Variants in CELF2 observed in about 807,000 individuals in gnomAD.
The protein encoded by CELF2 is CUG triplet repeat RNA-binding protein 2.
CELF2 carries 8 observed loss-of-function variants against 62.6 expected under a neutral mutation model. That is an observed-to-expected ratio of 0.13 (90% CI 0.07 to 0.23). The LOEUF (loss-of-function observed/expected upper bound fraction) is 0.23, where lower values mean the gene tolerates loss of function less well. Among genes scored for constraint, CELF2 ranks in the 10% least tolerant of loss-of-function variants. CELF2 has a pLI of 1.00. For synonymous variants in CELF2, 258 were observed against 250.0 expected (o/e 1.03, Z -0.30); for missense variants, 333 against 671.0 (o/e 0.50, Z 5.56).
chr10:10,783,511 C>G, the CELF2 span, among the ~76,000 whole-genome samples: 31 of 152,278 alleles, frequency 2.0e-4, no homozygotes, highest in African/African-American at 7.0e-4. Context: ...AGACTTCCAG[C>G]CTCCAGAAGT....
intron 2 of CELF2, among the ~76,000 whole-genome samples, chr10:10,962,404 TCAAA>T (rs769212767): frequency 1.1e-4 from 17 of 152,220 alleles, no homozygotes; most frequent in South Asian, 2.1e-4. Context: ...GCTTGAAGTA[TCAAA>T]CAAAGTATAC....
At chr10:11,215,513 A>G (rs1016956110) in intron 2 of CELF2, among the ~76,000 whole-genome samples, 1 of 152,114 alleles carries the variant, frequency 6.6e-6, no homozygotes, top group African/African-American at 2.4e-5. Context: ...TTCAGCCAGT[A>G]AATGGCTGCA....
rs2055053612 is a variant in CELF2, at chr10:11,005,375, T to G, written c.-13T>G. The stretch of plus-strand genomic sequence containing the variant: ...TCTGAACTGGCTTTTGTTGAGACTA[T>G]CAGTATAGAAGCATGCGCTGTCCCA... On this transcript the variant is annotated 5_prime_UTR_variant, in exon 1 of 13. Transcript: ENST00000416382. The surrounding 1 kb of genome is among the most constrained non-coding windows in gnomAD (Gnocchi z 4.3). The G allele has an allele frequency of 6.2e-7, 1 of 1,613,530 alleles. No homozygotes were observed.
Position 10,936,032 on chromosome 10 carries a change from C to A in CELF2, c.89+16033C>A, listed in dbSNP as rs2135311060. Among the ~76,000 whole-genome samples, 1 of 151,442 alleles carries A rather than the reference C, an allele frequency of 6.6e-6. No homozygotes were observed. The highest frequency in any genetic ancestry group is 1.9e-4 in the East Asian group (1 of 5,140). On this transcript the variant is annotated intron_variant, in intron 2 of 13. Transcript: ENST00000636488. The surrounding 1 kb of genome is among the most constrained non-coding windows in gnomAD (Gnocchi z 4.0). ...AAAAAATTAGCCAGGCGTGGTGGCA[C>A]ACACCTGTAGTCCCAGCTACTCATG...
chr10:11,229,580 T>G, intron 3 of CELF2, among the ~76,000 whole-genome samples: 1 of 151,710 alleles, frequency 6.6e-6, no homozygotes. Flanking sequence ...TCACTTGGGA[T>G]GAGAGTCTGG....
chr10:11,119,941 A>G (rs1359621171), intron 1 of CELF2, among the ~76,000 whole-genome samples: 3 of 144,688 alleles, frequency 2.1e-5, no homozygotes, highest in African/African-American at 5.2e-5. Flanking sequence ...TCATAGGTAC[A>G]CTTTGAATTT....
rs759114003 is a variant in CELF2 at position 11,318,884 on chromosome 10, C to T, written c.1097-2305C>T. ...GCTGCACATCGCAGGAAGGATCCCC[C>T]GTGGGTCTCACATGACAGGGCCTGA... is the stretch of plus-strand genomic sequence containing the variant. On this transcript the variant is annotated intron_variant, in intron 10 of 12. Transcript: ENST00000633077. The surrounding 1 kb of genome is among the most constrained non-coding windows in gnomAD (Gnocchi z 5.4). 20 of 471,038 alleles carry T rather than the reference C, an allele frequency of 4.2e-5. No individual in the cohort carries two copies. Among genetic ancestry groups the T allele is most frequent in the South Asian group, 2.3e-4 (15 of 64,570 alleles). 29.2% of individuals were successfully genotyped at this position (471,038 alleles called of 1,614,324 possible). A position where few individuals can be genotyped will look rare whatever the true frequency, so the allele number is the denominator to read the frequency against.
intron 1 of CELF2, among the ~76,000 whole-genome samples, chr10:11,130,936 G>A (rs2059528615): frequency 6.6e-6 from 1 of 152,216 alleles, no homozygotes; most frequent in African/African-American, 2.4e-5. Context: ...CCTGAAAGTA[G>A]ATTTTAGTGC....
intron 1 of CELF2, among the ~76,000 whole-genome samples, chr10:10,853,325 G>T (rs2059503329): frequency 6.6e-6 from 1 of 152,058 alleles, no homozygotes; most frequent in Non-Finnish European, 1.5e-5. Flanking sequence ...ATTCTTGGTT[G>T]CTGTAATAAC....
chr10:10,468,283 A>C, the CELF2 span, among the ~76,000 whole-genome samples: 1 of 151,972 alleles, frequency 6.6e-6, no homozygotes, highest in Non-Finnish European at 1.5e-5. Flanking sequence ...AAATGGCTTG[A>C]GCATCCCCAT....
chr10:11,284,388 G>A (rs1410639906), intron 8 of CELF2, among the ~76,000 whole-genome samples: 3 of 148,162 alleles, frequency 2.0e-5, no homozygotes, highest in East Asian at 2.1e-4. Context: ...GGTGGATGAC[G>A]GAGGGGTGGG....
intron 2 of CELF2, among the ~76,000 whole-genome samples, chr10:11,169,498 A>G (rs2068190635): frequency 6.6e-6 from 1 of 152,238 alleles, no homozygotes; most frequent in Non-Finnish European, 1.5e-5. Context: ...GCGGAAGTGC[A>G]GGGCAATTTC....
chr10:11,138,907 A>G (rs957151653), intron 1 of CELF2, among the ~76,000 whole-genome samples: 1 of 152,362 alleles, frequency 6.6e-6, no homozygotes, highest in Non-Finnish European at 1.5e-5. Context: ...CCTGGAACAT[A>G]CTGAAGGCAT....
rs565688624 is a variant in CELF2, at chr10:11,267,682, G to A, written c.618+1005G>A. Among the ~76,000 whole-genome samples the A allele has an allele frequency of 7.2e-5, 11 of 151,886 alleles. No individual in the cohort carries two copies. Among genetic ancestry groups the A allele is most frequent in the African/African-American group, 1.7e-4 (7 of 41,356 alleles). On this transcript the variant is annotated intron_variant, in intron 6 of 12. Transcript: ENST00000633077. The surrounding 1 kb of genome is among the most constrained non-coding windows in gnomAD (Gnocchi z 4.4). Reference sequence around the variant, plus strand: ...CATTTTGTTGGGGTTTTATTTTTTTGTTTGTTTGTTTTTGTTTGTTTTTTG... The same window carrying A: ...CATTTTGTTGGGGTTTTATTTTTTTATTTGTTTGTTTTTGTTTGTTTTTTG...
At chr10:10,971,904 T>C (rs538827476) in intron 2 of CELF2, among the ~76,000 whole-genome samples, 2 of 152,304 alleles carry the variant, frequency 1.3e-5, no homozygotes, top group Non-Finnish European at 2.9e-5. Context: ...GCTTTTCACA[T>C]CTTCTTTTCT....
the CELF2 span, among the ~76,000 whole-genome samples, chr10:10,761,998 G>C: frequency 6.6e-6 from 1 of 150,634 alleles, no homozygotes; most frequent in African/African-American, 2.4e-5. Context: ...TGTTTCTCTG[G>C]AGAGCCCTGA....
intron 2 of CELF2, among the ~76,000 whole-genome samples, chr10:11,179,746 T>C (rs1588445950): frequency 6.6e-6 from 1 of 152,176 alleles, no homozygotes; most frequent in Admixed American, 6.5e-5. Flanking sequence ...AGTCTTCTTT[T>C]CTTTCCCCCC....
Position 11,325,986 on chromosome 10 carries a change from A to C in CELF2, c.1438+7A>C, listed in dbSNP as rs1306094017. 1 of 1,608,536 alleles carries C rather than the reference A, an allele frequency of 6.2e-7. No individual in the cohort carries two copies. The highest frequency in any genetic ancestry group is 1.3e-5 in the African/African-American group (1 of 74,528). On this transcript the variant is annotated splice_region_variant and intron_variant, in intron 12 of 12. Transcript: ENST00000633077. ...AATCTGAGCAAGTGCTTTGGTATGCAAAAGAAACTAAGCTAGTATATTGCA... is the reference window on the plus strand; with the variant it reads ...AATCTGAGCAAGTGCTTTGGTATGCCAAAGAAACTAAGCTAGTATATTGCA...
upstream of CELF2, among the ~76,000 whole-genome samples, chr10:11,004,125 T>C (rs1053012911): frequency 6.6e-6 from 1 of 152,232 alleles, no homozygotes; most frequent in African/African-American, 2.4e-5. The surrounding 1 kb of genome is among the most constrained non-coding windows in gnomAD (Gnocchi z 5.0). Flanking sequence ...TTGGAGTGTG[T>C]TCCAGATCTT....
Sources: gnomAD v4.1 joint callset for allele counts (sites outside exome capture counted in the v4.1 genomes callset) on GRCh38, gnomAD v4.1.1 for gene constraint, Gnocchi (gnomAD v3.1) non-coding constraint, MANE v1.5 for transcripts, NCBI Gene and HGNC (gene_info 2026-07-23, HGNC 2026-07-21) for gene names.